The following SMIM7 variants were observed in gnomAD, a reference collection of about 807,000 sequenced individuals.
SMIM7 encodes small integral membrane protein 7.
Under a neutral mutation model 13.3 loss-of-function variants are expected in SMIM7, and 12 were observed. The ratio of observed to expected loss-of-function variants is 0.90; its 90% CI spans 0.58 to 1.46. SMIM7 has a LOEUF of 1.46. Ranked by LOEUF, SMIM7 falls within the 40% of genes most tolerant of loss-of-function variation. SMIM7 has a pLI of 0.00. For synonymous variants in SMIM7, 36 were observed against 35.8 expected (o/e 1.01, Z -0.02); for missense variants, 114 against 94.8 (o/e 1.20, Z -0.84).
At chr19:16,657,054 G>A (rs1020624857) in intron 3 of SMIM7, among the ~76,000 whole-genome samples, 12 of 152,280 alleles carry the variant, frequency 7.9e-5, no homozygotes, top group African/African-American at 2.6e-4. Flanking sequence ...GACCATCCCT[G>A]CACTATCTAT....
intron 4 of SMIM7, among the ~76,000 whole-genome samples, chr19:16,638,508 A>G (rs1371274799): frequency 1.3e-5 from 2 of 151,752 alleles, no homozygotes; most frequent in African/African-American, 4.8e-5. Context: ...GGGTTTCACC[A>G]CATTGGCCAG....
At chr19:16,639,323 C>T (rs1401814075) in intron 4 of SMIM7, among the ~76,000 whole-genome samples, 4 of 152,072 alleles carry the variant, frequency 2.6e-5, no homozygotes, top group South Asian at 2.1e-4. Context: ...GGGGTTTCAC[C>T]GTGTTAGCCA....
chr19:16,639,213 C>G (rs1055044608), intron 4 of SMIM7, among the ~76,000 whole-genome samples: 4 of 151,760 alleles, frequency 2.6e-5, no homozygotes, highest in African/African-American at 7.3e-5. Flanking sequence ...GCTCCGCCCC[C>G]CCAGGTTCAC....
intron 4 of SMIM7, among the ~76,000 whole-genome samples, chr19:16,651,987 C>T (rs564952390): frequency 1.5e-4 from 22 of 150,942 alleles, no homozygotes; most frequent in African/African-American, 4.6e-4. Flanking sequence ...GGGAAGCATG[C>T]TGACTTCTTC....
chr19:16,639,490 G>A (rs1308482777), intron 4 of SMIM7, among the ~76,000 whole-genome samples: 5 of 152,186 alleles, frequency 3.3e-5, no homozygotes, highest in African/African-American at 1.2e-4. Flanking sequence ...GGGTCAGAAA[G>A]TAAATAGGTT....
chr19:16,639,279 C>T (rs1246017875), intron 4 of SMIM7, among the ~76,000 whole-genome samples: 1 of 152,034 alleles, frequency 6.6e-6, no homozygotes, highest in Non-Finnish European at 1.5e-5. Flanking sequence ...CCCACCACCT[C>T]GCCCGGCTAA....
intron 4 of SMIM7, among the ~76,000 whole-genome samples, chr19:16,633,576 A>T (rs1278753072): frequency 6.6e-6 from 1 of 151,594 alleles, no homozygotes; most frequent in East Asian, 2.0e-4. Context: ...CACTAAGAAA[A>T]CCTGTATTGA....
chr19:16,651,651 GAGA>G (rs2086526955), intron 4 of SMIM7, among the ~76,000 whole-genome samples: 1 of 152,222 alleles, frequency 6.6e-6, no homozygotes, highest in Admixed American at 6.5e-5. Flanking sequence ...ACGAGAATGA[GAGA>G]AGCACACTGA....
chr19:16,652,562 A>T, intron 4 of SMIM7: 1 of 1,123,080 alleles, frequency 8.9e-7, no homozygotes, highest in Non-Finnish European at 1.1e-6. Context: ...TTCCTAGGCA[A>T]GTCTCATACA....
intron 4 of SMIM7, among the ~76,000 whole-genome samples, chr19:16,638,453 G>A (rs1352851485): frequency 6.6e-6 from 1 of 151,342 alleles, no homozygotes; most frequent in African/African-American, 2.4e-5. Context: ...ACAGGTGCCC[G>A]CCACCATGCC....
intron 4 of SMIM7, among the ~76,000 whole-genome samples, chr19:16,651,434 C>A (rs2086523238): frequency 6.6e-6 from 1 of 152,172 alleles, no homozygotes; most frequent in Non-Finnish European, 1.5e-5. Context: ...AACCCCCACC[C>A]CAAATGGACC....
At chr19:16,639,746 C>T (rs116997443) in intron 4 of SMIM7, among the ~76,000 whole-genome samples, 1,768 of 152,152 alleles carry the variant, frequency 0.012, 24 homozygotes, top group Non-Finnish European at 0.018. Flanking sequence ...TAAGTTCTCA[C>T]GAGATCTGAT....
At chr19:16,635,651 G>C (rs912184215) in intron 4 of SMIM7, among the ~76,000 whole-genome samples, 1 of 151,886 alleles carries the variant, frequency 6.6e-6, no homozygotes, top group Non-Finnish European at 1.5e-5. Flanking sequence ...AGAGGCCGAG[G>C]CGGGCGGATC....
chr19:16,657,756 C>A (rs183091641), intron 3 of SMIM7, among the ~76,000 whole-genome samples: 2 of 152,308 alleles, frequency 1.3e-5, no homozygotes, highest in South Asian at 4.1e-4. Flanking sequence ...CTCGGCCAGG[C>A]GTGGTAGCTC....
At chr19:16,657,859 CTA>C (rs1204860991) in intron 3 of SMIM7, among the ~76,000 whole-genome samples, 1 of 152,148 alleles carries the variant, frequency 6.6e-6, no homozygotes, top group Non-Finnish European at 1.5e-5. Context: ...AGCGAGATAC[CTA>C]TCTCTACAAA....
intron 4 of SMIM7, among the ~76,000 whole-genome samples, chr19:16,638,669 C>T (rs560358858): frequency 3.9e-5 from 6 of 152,250 alleles, no homozygotes; most frequent in Admixed American, 2.6e-4. Flanking sequence ...GCCTAATACA[C>T]AGCTCTAGCT....
chr19:16,632,535 A>AT (rs397933494), intron 4 of SMIM7, among the ~76,000 whole-genome samples: 30,186 of 126,976 alleles, frequency 0.24, 4,446 homozygotes, highest in African/African-American at 0.4. Flanking sequence ...AACTGTGAAC[A>AT]TTTTTTTTTT....
rs982635701 is a variant in SMIM7, at chr19:16,646,653, T to C, written c.*593A>G. The C allele has an allele frequency of 1.3e-4, 21 of 156,854 alleles. No individual in the cohort carries two copies. Among genetic ancestry groups the C allele is most frequent in the Admixed American group, 3.8e-4 (6 of 15,672 alleles). The allele number at this position is 156,854 out of a possible 1,614,324, so 9.7% of individuals were successfully genotyped here. On this transcript the variant is annotated 3_prime_UTR_variant, in exon 5 of 5. Transcript: ENST00000487416. ...ATCCCCACAACTGCTCCACATGTCT[T>C]CTGTGGAAACACTTCACCAGGAACT...
intron 4 of SMIM7, 33 bp downstream of exon 4, chr19:16,654,002 C>G (rs780669436): frequency 1.9e-6 from 3 of 1,583,826 alleles, no homozygotes; most frequent in African/African-American, 1.3e-5. Context: ...GACTAAGAGA[C>G]GACAGTGAAA....
Sources: allele counts gnomAD v4.1 joint callset (sites outside exome capture counted in the v4.1 genomes callset), GRCh38; gene constraint gnomAD v4.1.1; transcripts MANE v1.5; gene names NCBI Gene and HGNC (gene_info 2026-07-23, HGNC 2026-07-21).